Variants in DLGAP4 observed in about 807,000 individuals in gnomAD.
DLGAP4 encodes DLG associated protein 4.
Under a neutral mutation model 86.9 loss-of-function variants are expected in DLGAP4, and 18 were observed. That is an observed-to-expected ratio of 0.21 (90% confidence interval 0.14 to 0.31). DLGAP4 has a LOEUF of 0.31. Among genes scored for constraint, DLGAP4 ranks in the 10% least tolerant of loss-of-function variants. The pLI is 1.00. For missense variants in DLGAP4, 1,085 were observed against 1,362.6 expected, an observed-to-expected ratio of 0.80 and a Z score of 3.21; for synonymous variants, 548 against 574.3, an observed-to-expected ratio of 0.95 and a Z score of 0.65.
At position 36,382,527 on chromosome 20, in the gene DLGAP4, CTT is replaced by C. The variant is rs749210064; in HGVS notation, c.-73+15271_-73+15272del. ...CTTTTCTTTCTTTCTTTCTTTTTTT[CTT>C]TTTTTTTTTTTTTTTTTTGAGACAG... On this transcript the variant is annotated intron_variant, in intron 2 of 12. Transcript: ENST00000339266. Among the ~76,000 whole-genome samples the C allele has an allele frequency of 2.7e-3, 297 of 110,408 alleles. 1 individual carries two copies. The highest frequency in any genetic ancestry group is 9.9e-3 in the African/African-American group (274 of 27,686). The allele number at this position is 110,408 out of a possible 152,430, so 72.4% of individuals were successfully genotyped here.
intron 10 of DLGAP4, among the ~76,000 whole-genome samples, chr20:36,513,554 CAAAAAAAAAAA>C (rs562398294): frequency 5.7e-4 from 23 of 40,556 alleles, no homozygotes; most frequent in African/African-American, 1.4e-3. Flanking sequence ...GACTCCGTCT[CAAAAAAAAAAA>C]AAAAAAAAAA....
At chr20:36,348,458 G>T (rs781829063) in intron 1 of DLGAP4, among the ~76,000 whole-genome samples, 7 of 151,174 alleles carry the variant, frequency 4.6e-5, no homozygotes, top group African/African-American at 7.3e-5. Context: ...CTCTCTTGTC[G>T]CCCATCTCGT....
intron 2 of DLGAP4, among the ~76,000 whole-genome samples, chr20:36,402,459 A>G (rs964500060): frequency 6.6e-6 from 1 of 152,160 alleles, no homozygotes; most frequent in African/African-American, 2.4e-5. Flanking sequence ...TATCATCATC[A>G]TTACAGTAAT....
In DLGAP4 at chr20:36,393,047, G is replaced by C. The variant is rs1303598055; in HGVS notation, c.-73+25772G>C. 6.6e-6 allele frequency among the ~76,000 whole-genome samples: 1 copy of C among 151,958 alleles called. No homozygotes were observed. The highest frequency in any genetic ancestry group is 2.4e-5 in the African/African-American group (1 of 41,334). On this transcript the variant is annotated intron_variant, in intron 2 of 12. Coordinates refer to ENST00000339266, the MANE Select transcript of DLGAP4 (RefSeq NM_001365621.2). This position sits in a 1 kb window ranked among gnomAD's most constrained non-coding sequence, Gnocchi z 4.4. ...TTGGGCTGAGGACTGGGAAAGGGAGGCTGGGGGCGGGGGAATGGGTGGGGT... is the reference window on the plus strand; with the variant it reads ...TTGGGCTGAGGACTGGGAAAGGGAGCCTGGGGGCGGGGGAATGGGTGGGGT...
rs2030849131 is a variant in DLGAP4 at position 36,369,725 on chromosome 20, T to A, written c.-73+2450T>A. 2.0e-5 allele frequency among the ~76,000 whole-genome samples: 3 copies of A among 152,194 alleles called. No individual in the cohort carries two copies. The South Asian group carries it at 6.2e-4, about 32-fold the overall frequency. ...GGTGGTGGTTACATGACTATTTCCT[T>A]TTGATATTTTACTGCAGTAAACATT... On this transcript the variant is annotated intron_variant, in intron 2 of 12. Transcript: ENST00000339266.
chr20:36,421,412 C>T lies in DLGAP4; in HGVS notation c.-72-10234C>T, dbSNP rs114887334. Among the ~76,000 whole-genome samples, 349 of 149,990 alleles carry T rather than the reference C, an allele frequency of 2.3e-3. 1 individual carries two copies. The highest frequency in any genetic ancestry group is 8.3e-3 in the African/African-American group (337 of 40,726). ...AGCAGAGGTTGCAGTGAGCCGAGATCGCACAACTGTACTATGGTCTGGGTG... is the reference window on the plus strand; with the variant it reads ...AGCAGAGGTTGCAGTGAGCCGAGATTGCACAACTGTACTATGGTCTGGGTG... On this transcript the variant is annotated intron_variant, in intron 2 of 12. Transcript: ENST00000339266.
At chr20:36,520,855 CAG>C (rs1318353453) in intron 10 of DLGAP4, among the ~76,000 whole-genome samples, 14 of 150,368 alleles carry the variant, frequency 9.3e-5, no homozygotes, top group African/African-American at 3.5e-4. Context: ...TTGTTTGAGA[CAG>C]AGTCTCCCTC....
chr20:36,334,069 G>A (rs1247788563), intron 1 of DLGAP4, among the ~76,000 whole-genome samples: 1 of 152,214 alleles, frequency 6.6e-6, no homozygotes, highest in Non-Finnish European at 1.5e-5. Context: ...AACACAGATT[G>A]AGCTCTGTGT....
At chr20:36,429,411 T>C (rs2033069437) in intron 2 of DLGAP4, among the ~76,000 whole-genome samples, 1 of 139,214 alleles carries the variant, frequency 7.2e-6, no homozygotes. Flanking sequence ...TTTTTTTTTT[T>C]TTTTTTTTTT....
intron 2 of DLGAP4, among the ~76,000 whole-genome samples, chr20:36,392,455 T>G (rs2031815772): frequency 6.6e-6 from 1 of 152,124 alleles, no homozygotes. Flanking sequence ...CACTGCAACC[T>G]CCACCTCCCA....
Position 36,497,347 on chromosome 20 carries a change from C to T in DLGAP4, c.2010+281C>T, listed in dbSNP as rs952550083. 5 of 1,291,050 alleles carry T rather than the reference C, an allele frequency of 3.9e-6. No homozygotes were observed. In the African/African-American group the frequency reaches 4.5e-5, roughly 12 times the overall value. 80.0% of individuals were successfully genotyped at this position (1,291,050 alleles called of 1,614,324 possible). On this transcript the variant is annotated intron_variant, in intron 8 of 12. Coordinates refer to ENST00000339266, the MANE Select transcript of DLGAP4 (RefSeq NM_001365621.2). ...TTACACTCAGCCAGCCATCTCCTGT[C>T]CACTGTTTGCCTGTCCACTGTCTGT...
chr20:36,342,671 A>G (rs1183173755), intron 1 of DLGAP4, among the ~76,000 whole-genome samples: 1 of 152,230 alleles, frequency 6.6e-6, no homozygotes, highest in Non-Finnish European at 1.5e-5. Flanking sequence ...ACCTCTGCCA[A>G]CTGGAAAGGC....
chr20:36,371,676 C>T (rs2030942393), intron 2 of DLGAP4, among the ~76,000 whole-genome samples: 1 of 152,174 alleles, frequency 6.6e-6, no homozygotes, highest in African/African-American at 2.4e-5. Flanking sequence ...GTGGCGCCTG[C>T]TACAGCTGTT....
intron 7 of DLGAP4, among the ~76,000 whole-genome samples, chr20:36,488,007 C>T (rs1383019471): frequency 2.6e-5 from 4 of 152,086 alleles, no homozygotes; most frequent in Non-Finnish European, 5.9e-5. Flanking sequence ...TGAGACCAGC[C>T]TGGCCAACAT....
chr20:36,499,151 C>A, intron 8 of DLGAP4: 2 of 1,275,718 alleles, frequency 1.6e-6, no homozygotes, highest in Non-Finnish European at 2.2e-6. Context: ...GCTTCAACTA[C>A]ACCAGATAAC....
At chr20:36,323,868 A>G (rs906030724) in intron 1 of DLGAP4, among the ~76,000 whole-genome samples, 12 of 152,362 alleles carry the variant, frequency 7.9e-5, no homozygotes, top group Middle Eastern at 3.4e-3. Context: ...CTGATCTGAC[A>G]GGAGGAGGAG....
chr20:36,503,654 A>G (rs1025972758), intron 10 of DLGAP4, among the ~76,000 whole-genome samples: 4 of 151,708 alleles, frequency 2.6e-5, no homozygotes, highest in African/African-American at 9.7e-5. Flanking sequence ...ACGCCCGGGT[A>G]ATTTTTTGTA....
chr20:36,417,786 G>A (rs1368507827), intron 2 of DLGAP4, among the ~76,000 whole-genome samples: 1 of 149,872 alleles, frequency 6.7e-6, no homozygotes, highest in Admixed American at 6.7e-5. Flanking sequence ...TTTTTTTTTT[G>A]TTGTTGTTGT....
intron 1 of DLGAP4, among the ~76,000 whole-genome samples, chr20:36,321,819 A>G (rs1555890576): frequency 2.0e-5 from 3 of 152,216 alleles, no homozygotes; most frequent in African/African-American, 7.2e-5. Flanking sequence ...AACCCAAAGT[A>G]TAGAGACAAA....
Sources: gnomAD v4.1 joint callset for allele counts (sites outside exome capture counted in the v4.1 genomes callset) on GRCh38, gnomAD v4.1.1 for gene constraint, Gnocchi (gnomAD v3.1) non-coding constraint, MANE v1.5 for transcripts, NCBI Gene and HGNC (gene_info 2026-07-23, HGNC 2026-07-21) for gene names.